The following YBX1 variants were observed in gnomAD, a reference collection of about 807,000 sequenced individuals.
The protein encoded by YBX1 is Y-box-binding protein 1.
Under a neutral mutation model 41.4 loss-of-function variants are expected in YBX1, and 3 were observed. The ratio of observed to expected loss-of-function variants is 0.07; its 90% confidence interval spans 0.03 to 0.19. The LOEUF (loss-of-function observed/expected upper bound fraction) is 0.19. Ranked by LOEUF, YBX1 falls within the 10% of genes least tolerant of loss-of-function variation. The probability of loss-of-function intolerance (pLI) is 1.00; values close to 1 mark genes in which losing one functional copy is unlikely to be tolerated. For missense variants in YBX1, 274 were observed against 462.8 expected, an observed-to-expected ratio of 0.59 and a Z score of 3.74; for synonymous variants, 133 against 165.8, an observed-to-expected ratio of 0.80 and a Z score of 1.52.
Position 42,683,419 on chromosome 1 carries a change from A to T in YBX1, c.183A>T (p.Gly61=). Residue 61 remains glycine, a synonymous_variant, in exon 2 of 8, where the codon GGA becomes GGT. Coordinates refer to ENST00000321358, the MANE Select transcript of YBX1 (RefSeq NM_004559.5). ...CTTTTCCAGCAACGAAGGTTTTGGG[A>T]ACAGTAAAATGGTTCAATGTAAGGA... ...DKKVIATKVL[G]TVKWFNVRNG... is the part of the protein sequence containing the mutation. The T allele has an allele frequency of 1.2e-6, 2 of 1,614,164 alleles. No homozygotes were observed. The highest frequency in any genetic ancestry group is 1.7e-6 in the Non-Finnish European group (2 of 1,180,020).
chr1:42,683,112 C>T (rs1227834084), intron 1 of YBX1: 2 of 583,644 alleles, frequency 3.4e-6, no homozygotes, highest in Admixed American at 2.3e-5. Context: ...GCACCGCCTA[C>T]GCAGGCCGGA....
chr1:42,703,524 T>C lies in YBX1; in HGVS notation c.*1575T>C, dbSNP rs1650660295. Reference sequence around the variant, plus strand: ...AGTGTAAATATCTGTACTGCAGAAGTGAGTTAGCCTATTTCTTGCTGGTGT... The same window carrying C: ...AGTGTAAATATCTGTACTGCAGAAGCGAGTTAGCCTATTTCTTGCTGGTGT... On this transcript the variant is annotated 3_prime_UTR_variant, in exon 8 of 8. Transcript: ENST00000321358. Among the ~76,000 whole-genome samples, 1 of 152,042 alleles carries C rather than the reference T, an allele frequency of 6.6e-6. No homozygotes were observed. Among genetic ancestry groups the C allele is most frequent in the Non-Finnish European group, 1.5e-5 (1 of 68,014 alleles).
chr1:42,683,164 C>A (rs1190121533), intron 1 of YBX1: 2 of 653,318 alleles, frequency 3.1e-6, no homozygotes, highest in African/African-American at 3.8e-5. Flanking sequence ...CCGCGGCCTG[C>A]GCACACACCC....
chr1:42,683,496 C>T (rs539356540), intron 2 of YBX1, 30 bp downstream of exon 2: 1 of 1,612,026 alleles, frequency 6.2e-7, no homozygotes, highest in South Asian at 1.1e-5. Flanking sequence ...AGCCTCCATC[C>T]CACCTTCTTG....
At chr1:42,695,900 A>AT (rs1286367332) in intron 3 of YBX1, among the ~76,000 whole-genome samples, 3 of 152,240 alleles carry the variant, frequency 2.0e-5, no homozygotes, top group African/African-American at 7.2e-5. Flanking sequence ...TAAAAGTTAT[A>AT]TATAATGCTT....
intron 2 of YBX1, among the ~76,000 whole-genome samples, chr1:42,692,891 A>G (rs1304419656): frequency 2.0e-5 from 3 of 152,160 alleles, no homozygotes; most frequent in Admixed American, 6.5e-5. Flanking sequence ...CTTTTTATAC[A>G]TGGCTCCGTG....
chr1:42,683,305 C>T (rs1336250055), intron 1 of YBX1, 98 bp from the exon 2 acceptor site: 8 of 1,441,482 alleles, frequency 5.5e-6, no homozygotes, highest in Non-Finnish European at 7.8e-6. Context: ...CAGGTGGCCG[C>T]GGCGGCCGGC....
intron 3 of YBX1, 130 bp downstream of exon 3, chr1:42,693,653 G>A (rs1438302660): frequency 1.2e-6 from 1 of 825,164 alleles, no homozygotes; most frequent in Admixed American, 2.8e-5. Flanking sequence ...TACGACAGGA[G>A]TAGTAGCATG....
At chr1:42,693,710 C>G (rs1650395459) in intron 3 of YBX1, among the ~76,000 whole-genome samples, 187 bp downstream of exon 3, 1 of 152,136 alleles carries the variant, frequency 6.6e-6, no homozygotes, top group Admixed American at 6.5e-5. Flanking sequence ...CTTAATTATC[C>G]TAGACATTTC....
At chr1:42,697,382 A>G in intron 6 of YBX1, 120 bp downstream of exon 6, 2 of 928,508 alleles carry the variant, frequency 2.2e-6, no homozygotes, top group Admixed American at 2.9e-5. Context: ...TTCTTTCATC[A>G]GATGCCTAAG....
In YBX1 at chr1:42,694,305, C is replaced by G. The variant is rs565678246; in HGVS notation, c.264+782C>G. On this transcript the variant is annotated intron_variant, in intron 3 of 7. Transcript: ENST00000321358. The stretch of plus-strand genomic sequence containing the variant: ...GATTATTACTAATGTAAACCACTGC[C>G]AAGTGTATGTTAATACTTCAAATTT... Among the ~76,000 whole-genome samples the G allele has an allele frequency of 7.9e-5, 12 of 152,158 alleles. No homozygotes were observed. In the South Asian group the frequency reaches 2.5e-3, roughly 32 times the overall value.
At position 42,694,333 on chromosome 1, in the gene YBX1, A is replaced by G. The variant is rs188085084; in HGVS notation, c.264+810A>G. On this transcript the variant is annotated intron_variant, in intron 3 of 7. Transcript: ENST00000321358. Reference sequence around the variant, plus strand: ...GTGTATGTTAATACTTCAAATTTAGATATGCTGTAGGCTACATTGAATGTA... The same window carrying G: ...GTGTATGTTAATACTTCAAATTTAGGTATGCTGTAGGCTACATTGAATGTA... Among the ~76,000 whole-genome samples, 25 of 152,310 alleles carry G rather than the reference A, an allele frequency of 1.6e-4. 1 individual carries two copies. The East Asian group carries it at 4.2e-3, about 26-fold the overall frequency.
Position 42,696,522 on chromosome 1 carries a change from C to CTT in YBX1, c.355-113_355-112dup. The CTT allele has an allele frequency of 1.6e-6, 1 of 637,562 alleles. No homozygotes were observed. Among genetic ancestry groups the CTT allele is most frequent in the Non-Finnish European group, 2.4e-6 (1 of 420,680 alleles). 39.5% of individuals were successfully genotyped at this position (637,562 alleles called of 1,614,324 possible). On this transcript the variant is annotated intron_variant, in intron 4 of 7. Coordinates refer to ENST00000321358, the MANE Select transcript of YBX1 (RefSeq NM_004559.5). The surrounding 1 kb of genome is among the most constrained non-coding windows in gnomAD (Gnocchi z 5.7). The stretch of plus-strand genomic sequence containing the variant: ...GGTCACGCAGTTGCGCCCCCCCCCC[C>CTT]TTTTTTTTCCTTAACTTTGTTGTTT...
intron 2 of YBX1, among the ~76,000 whole-genome samples, chr1:42,687,824 A>G (rs1650233973): frequency 6.6e-6 from 1 of 152,184 alleles, no homozygotes; most frequent in African/African-American, 2.4e-5. Flanking sequence ...TCTTAACTTG[A>G]TCACAGTAGA....
At chr1:42,700,287 G>A (rs1182072119) in intron 6 of YBX1, among the ~76,000 whole-genome samples, 1 of 152,040 alleles carries the variant, frequency 6.6e-6, no homozygotes, top group African/African-American at 2.4e-5. Context: ...GAGCACTGGG[G>A]GAAAGAAAAT....
intron 6 of YBX1, among the ~76,000 whole-genome samples, chr1:42,698,596 C>T (rs1420717084): frequency 1.3e-5 from 2 of 152,128 alleles, no homozygotes; most frequent in African/African-American, 4.8e-5. Flanking sequence ...TTAAAAATAG[C>T]ATAATTTTGT....
chr1:42,698,059 C>T (rs933866628), intron 6 of YBX1, among the ~76,000 whole-genome samples: 6 of 152,152 alleles, frequency 3.9e-5, no homozygotes, highest in South Asian at 2.1e-4. Context: ...TCACTTAAAT[C>T]GCAACTTTTA....
At position 42,703,083 on chromosome 1, in the gene YBX1, A is replaced by G. The variant is rs574322585; in HGVS notation, c.*1134A>G. Among the ~76,000 whole-genome samples the G allele has an allele frequency of 6.6e-6, 1 of 152,010 alleles. No homozygotes were observed. The highest frequency in any genetic ancestry group is 2.1e-4 in the South Asian group (1 of 4,802). ...TGGGAGTACAGGTGCGTGCCACCAC[A>G]CCCAGCTAATTTTTGTATTTTTAAT... On this transcript the variant is annotated 3_prime_UTR_variant, in exon 8 of 8. Transcript: ENST00000321358.
At chr1:42,687,748 T>C (rs1235505588) in intron 2 of YBX1, among the ~76,000 whole-genome samples, 2 of 152,162 alleles carry the variant, frequency 1.3e-5, no homozygotes, top group Non-Finnish European at 2.9e-5. Context: ...TGGTTCTTAA[T>C]AGAAGTGTAA....
Sources: gnomAD v4.1 joint callset for allele counts (sites outside exome capture counted in the v4.1 genomes callset) on GRCh38, gnomAD v4.1.1 for gene constraint, Gnocchi (gnomAD v3.1) non-coding constraint, MANE v1.5 for transcripts, NCBI Gene and HGNC (gene_info 2026-07-23, HGNC 2026-07-21) for gene names.